SIRPA: variants seen among roughly 807,000 people sequenced by gnomAD.
SIRPA encodes signal regulatory protein alpha.
In SIRPA, 9 loss-of-function variants were observed where a neutral mutation model predicts 50.3. That is an observed-to-expected ratio of 0.18 (90% CI 0.11 to 0.31). SIRPA has a LOEUF of 0.31. SIRPA is among the 10% of genes least tolerant of loss of function. The pLI is 1.00. For synonymous variants in SIRPA, 265 were observed against 284.1 expected (o/e 0.93, Z 0.68); for missense variants, 474 against 661.6 (o/e 0.72, Z 3.11).
At chr20:1,925,936 A>T (rs1985948377) in intron 5 of SIRPA, among the ~76,000 whole-genome samples, 1 of 152,206 alleles carries the variant, frequency 6.6e-6, no homozygotes, top group Admixed American at 6.5e-5. Context: ...TATAAAATTA[A>T]AACTGATATT....
intron 1 of SIRPA, among the ~76,000 whole-genome samples, chr20:1,907,399 C>T (rs535628792): frequency 7.2e-5 from 11 of 152,306 alleles, no homozygotes; most frequent in East Asian, 1.9e-4. Flanking sequence ...TCCTTCAGGG[C>T]GCTAGGTTAG....
intron 6 of SIRPA, among the ~76,000 whole-genome samples, chr20:1,929,252 A>G (rs1986165334): frequency 6.6e-6 from 1 of 151,936 alleles, no homozygotes; most frequent in Admixed American, 6.6e-5. Context: ...AGACTACAGG[A>G]GGTGAGGATG....
chr20:1,917,784 T>C (rs368585253), intron 2 of SIRPA, among the ~76,000 whole-genome samples: 13 of 152,202 alleles, frequency 8.5e-5, no homozygotes, highest in Middle Eastern at 3.4e-3. Context: ...TTGGGGCTCA[T>C]TGGAGCAAGA....
chr20:1,914,274 T>C (rs67343776), intron 1 of SIRPA, among the ~76,000 whole-genome samples: 61,856 of 151,670 alleles, frequency 0.41, 12,858 homozygotes, highest in East Asian at 0.66. Flanking sequence ...GATGGATAAA[T>C]TAAGGTCCCA....
chr20:1,916,057 C>T (rs988835943), intron 2 of SIRPA, among the ~76,000 whole-genome samples: 3 of 152,212 alleles, frequency 2.0e-5, no homozygotes, highest in Non-Finnish European at 4.4e-5. Context: ...TGGGCATTTT[C>T]TGTGGGTCTT....
intron 1 of SIRPA, among the ~76,000 whole-genome samples, chr20:1,896,030 T>A (rs894670933): frequency 6.6e-6 from 1 of 152,186 alleles, no homozygotes; most frequent in Admixed American, 6.5e-5. Context: ...GCCCTCCCTC[T>A]GGTGCGCAGA....
At chr20:1,935,926 T>TA (rs1048187719) in intron 7 of SIRPA, among the ~76,000 whole-genome samples, 15 of 152,196 alleles carry the variant, frequency 9.9e-5, no homozygotes, top group African/African-American at 3.6e-4. Context: ...AGCTGTGTGC[T>TA]AAGAGCACAG....
rs993297502 is a variant in SIRPA, at chr20:1,934,510, T to C, written c.1227-205T>C. Among the ~76,000 whole-genome samples the C allele has an allele frequency of 1.2e-4, 19 of 152,202 alleles. No homozygotes were observed. Among genetic ancestry groups the C allele is most frequent in the African/African-American group, 4.1e-4 (17 of 41,462 alleles). On this transcript the variant is annotated intron_variant, in intron 6 of 7. Coordinates refer to ENST00000358771, the MANE Select transcript of SIRPA (RefSeq NM_001040023.2). This position sits in a 1 kb window ranked among gnomAD's most constrained non-coding sequence, Gnocchi z 4.6. ...TTGCCAATAGAGTAGGTTAAAAAAATGATAGTGCATTGCTTAGAATTCCTT... is the reference window on the plus strand; with the variant it reads ...TTGCCAATAGAGTAGGTTAAAAAAACGATAGTGCATTGCTTAGAATTCCTT...
rs887842796 is a variant in SIRPA, at chr20:1,939,570, A to G, written c.*2002A>G. 1.6e-4 allele frequency: 24 copies of G among 152,202 alleles called. No homozygotes were observed. Among genetic ancestry groups the G allele is most frequent in the African/African-American group, 5.3e-4 (22 of 41,456 alleles). 9.4% of individuals were successfully genotyped at this position (152,202 alleles called of 1,614,324 possible). On this transcript the variant is annotated 3_prime_UTR_variant, in exon 8 of 8. Coordinates refer to ENST00000358771, the MANE Select transcript of SIRPA (RefSeq NM_001040023.2). This position sits in a 1 kb window ranked among gnomAD's most constrained non-coding sequence, Gnocchi z 4.7. ...TACGTGTGCACACGCATGCACACAC[A>G]CATTCAGTATTTTAAAAGAATGTTT...
chr20:1,914,210 G>A (rs1381106108), intron 1 of SIRPA, among the ~76,000 whole-genome samples: 1 of 152,014 alleles, frequency 6.6e-6, no homozygotes, highest in African/African-American at 2.4e-5. Context: ...ACAAAGCAGA[G>A]GCCTGGGGGC....
chr20:1,936,248 C>T lies in SIRPA; in HGVS notation c.1267-1072C>T, dbSNP rs1019039826. 2.0e-5 allele frequency among the ~76,000 whole-genome samples: 3 copies of T among 152,094 alleles called. No individual in the cohort carries two copies. Among genetic ancestry groups the T allele is most frequent in the Admixed American group, 6.6e-5 (1 of 15,260 alleles). On this transcript the variant is annotated intron_variant, in intron 7 of 7. Transcript: ENST00000358771. This position sits in a 1 kb window ranked among gnomAD's most constrained non-coding sequence, Gnocchi z 4.2. ...TCATTCATGATGGGCGCTTTTGAGG[C>T]GGCAGTGGCAGGTTGATAGGATTAG... is the stretch of plus-strand genomic sequence containing the variant.
chr20:1,921,207 T>C (rs1985628649), intron 2 of SIRPA, among the ~76,000 whole-genome samples, 188 bp from the exon 3 acceptor site: 1 of 152,148 alleles, frequency 6.6e-6, no homozygotes, highest in African/African-American at 2.4e-5. Context: ...CTCACATGGG[T>C]CCTCACCTCT....
chr20:1,895,073 C>T (rs981053079), upstream of SIRPA, among the ~76,000 whole-genome samples: 7 of 150,620 alleles, frequency 4.6e-5, no homozygotes, highest in East Asian at 2.0e-4. Flanking sequence ...CTGCGCGCCG[C>T]CTCGCTCCTC....
At chr20:1,925,221 A>G (rs1056925458) in intron 5 of SIRPA, among the ~76,000 whole-genome samples, 1 of 152,208 alleles carries the variant, frequency 6.6e-6, no homozygotes, top group Non-Finnish European at 1.5e-5. Flanking sequence ...GCCTCCCGGC[A>G]GACTTCTGCT....
intron 1 of SIRPA, among the ~76,000 whole-genome samples, chr20:1,914,524 G>T (rs899942420): frequency 6.6e-6 from 1 of 151,578 alleles, no homozygotes; most frequent in African/African-American, 2.4e-5. Context: ...TGGGTTCCAG[G>T]TGGGGACTCA....
intron 2 of SIRPA, among the ~76,000 whole-genome samples, chr20:1,918,619 A>G (rs985196161): frequency 4.0e-5 from 6 of 151,812 alleles, no homozygotes; most frequent in Non-Finnish European, 7.4e-5. Flanking sequence ...CCTTTCCAGG[A>G]TGTTATGAGG....
chr20:1,926,702 G>A (rs2122141618), intron 5 of SIRPA, among the ~76,000 whole-genome samples: 1 of 152,332 alleles, frequency 6.6e-6, no homozygotes, highest in African/African-American at 2.4e-5. Flanking sequence ...TGAGGAAACT[G>A]AGGCATGGGA....
chr20:1,934,017 G>T lies in SIRPA; in HGVS notation c.1227-698G>T, dbSNP rs1042196549. ...AAGGAGAAAAAAAATACCATGCAAA[G>T]ACCACTGCAGTTTGCATTTTGCTAT... On this transcript the variant is annotated intron_variant, in intron 6 of 7. Transcript: ENST00000358771. This position sits in a 1 kb window ranked among gnomAD's most constrained non-coding sequence, Gnocchi z 4.6. 3.9e-5 allele frequency among the ~76,000 whole-genome samples: 6 copies of T among 152,064 alleles called. No homozygotes were observed. Among genetic ancestry groups the T allele is most frequent in the African/African-American group, 1.4e-4 (6 of 41,394 alleles).
upstream of SIRPA, chr20:1,895,370 C>A: frequency 1.2e-6 from 1 of 851,768 alleles, no homozygotes; most frequent in South Asian, 2.6e-5. Context: ...GAGCCTTAGT[C>A]ATTTCCCCGC....
Sources: allele counts gnomAD v4.1 joint callset (sites outside exome capture counted in the v4.1 genomes callset), GRCh38; gene constraint gnomAD v4.1.1; non-coding constraint Gnocchi (gnomAD v3.1); transcripts MANE v1.5; gene names NCBI Gene and HGNC (gene_info 2026-07-23, HGNC 2026-07-21).